PLIN3: variants seen among roughly 807,000 people sequenced by gnomAD.
PLIN3 encodes the protein perilipin 3.
A neutral mutation model predicts 35.9 loss-of-function variants in PLIN3; 30 were observed. The ratio of observed to expected loss-of-function variants is 0.84; its 90% CI spans 0.62 to 1.13. PLIN3 has a LOEUF of 1.13. PLIN3 is among the 50% of genes most tolerant of loss of function. PLIN3 has a pLI of 0.00. For synonymous variants in PLIN3, 261 were observed against 262.5 expected, an observed-to-expected ratio of 0.99 and a Z score of 0.06; for missense variants, 603 against 596.9, an observed-to-expected ratio of 1.01 and a Z score of -0.11.
chr19:4,840,468 G>A (rs947190526), intron 7 of PLIN3, among the ~76,000 whole-genome samples: 4 of 151,948 alleles, frequency 2.6e-5, no homozygotes, highest in African/African-American at 9.7e-5. Flanking sequence ...AGTTGCCCAG[G>A]TCTTAAACTC....
chr19:4,855,584 C>T (rs2030447236), intron 4 of PLIN3, among the ~76,000 whole-genome samples: 1 of 152,012 alleles, frequency 6.6e-6, no homozygotes, highest in African/African-American at 2.4e-5. Flanking sequence ...TTGCTTGAGC[C>T]CAGGAGTTTG....
intron 1 of PLIN3, among the ~76,000 whole-genome samples, chr19:4,865,873 G>T (rs960621228): frequency 2.0e-5 from 3 of 151,496 alleles, no homozygotes; most frequent in Admixed American, 2.0e-4. Flanking sequence ...ACAGGCGCCC[G>T]CCACCACGCC....
intron 1 of PLIN3, chr19:4,867,134 G>C (rs2030883639): frequency 6.6e-6 from 1 of 152,290 alleles, no homozygotes; most frequent in African/African-American, 2.4e-5. Context: ...GCCAGGAGCT[G>C]GGGCAACCCC....
At chr19:4,845,943 G>T (rs1210276771) in intron 6 of PLIN3, among the ~76,000 whole-genome samples, 2 of 134,306 alleles carry the variant, frequency 1.5e-5, no homozygotes, top group Non-Finnish European at 3.2e-5. Context: ...AAAAAAAAAA[G>T]GCCGGGCGCG....
At chr19:4,865,488 CAA>C (rs577302869) in intron 1 of PLIN3, among the ~76,000 whole-genome samples, 3 of 133,834 alleles carry the variant, frequency 2.2e-5, no homozygotes, top group Non-Finnish European at 1.6e-5. Flanking sequence ...GACTCCGTTT[CAA>C]AAAAAAAAAA....
At chr19:4,841,465 T>C (rs1271274734) in intron 7 of PLIN3, among the ~76,000 whole-genome samples, 1 of 152,012 alleles carries the variant, frequency 6.6e-6, no homozygotes, top group African/African-American at 2.4e-5. Context: ...AATGGGGCAG[T>C]GACTGCTGAT....
intron 2 of PLIN3, 140 bp from the exon 3 acceptor site, chr19:4,860,164 T>G (rs1292191144): frequency 4.3e-6 from 3 of 695,906 alleles, no homozygotes; most frequent in African/African-American, 3.5e-5. Context: ...ATCCAGGCAG[T>G]TGCACAAGCC....
chr19:4,865,519 T>C (rs1226987018), intron 1 of PLIN3, among the ~76,000 whole-genome samples: 1 of 151,284 alleles, frequency 6.6e-6, no homozygotes, highest in Non-Finnish European at 1.5e-5. Flanking sequence ...CTAAAGGTCA[T>C]GCCTGTCTTA....
intron 1 of PLIN3, among the ~76,000 whole-genome samples, chr19:4,864,464 T>TGTTG (rs771877429): frequency 1.3e-4 from 19 of 146,388 alleles, no homozygotes; most frequent in African/African-American, 2.5e-4. Context: ...TGTTTTTTTT[T>TGTTG]TTGTTGTTGT....
At chr19:4,851,243 G>A (rs933010805) in intron 5 of PLIN3, among the ~76,000 whole-genome samples, 1 of 152,118 alleles carries the variant, frequency 6.6e-6, no homozygotes, top group Non-Finnish European at 1.5e-5. Flanking sequence ...GAGGTGGGCA[G>A]ATCACAAGGT....
chr19:4,843,282 G>T (rs999156088), intron 7 of PLIN3, among the ~76,000 whole-genome samples: 1 of 151,920 alleles, frequency 6.6e-6, no homozygotes, highest in African/African-American at 2.4e-5. Flanking sequence ...CGAGGCGGGC[G>T]GATCACAAGG....
intron 7 of PLIN3, among the ~76,000 whole-genome samples, 195 bp downstream of exon 7, chr19:4,844,473 A>C (rs2030016122): frequency 6.6e-6 from 1 of 152,080 alleles, no homozygotes; most frequent in Non-Finnish European, 1.5e-5. Context: ...CTCAAAACAA[A>C]AAACAGAAGC....
intron 4 of PLIN3, among the ~76,000 whole-genome samples, chr19:4,855,709 G>GGAACATGGTGTTTTGATGTTTTGACTTT (rs2030452357): frequency 6.6e-6 from 1 of 151,964 alleles, no homozygotes; most frequent in African/African-American, 2.4e-5. Context: ...TGCCTGGCTA[G>GGAACATGGTGTTTTGATGTTTTGACTTT]CCTGGGAGTT....
intron 7 of PLIN3, among the ~76,000 whole-genome samples, chr19:4,843,510 A>AAAATAAATAAATAAATAAATAAATAAAT (rs111319930): frequency 9.3e-5 from 13 of 139,442 alleles, no homozygotes; most frequent in African/African-American, 3.5e-4. Context: ...TCCATCTCAA[A>AAAATAAATAAATAAATAAATAAATAAAT]AAATAAATAA....
Position 4,839,204 on chromosome 19 carries a change from C to T in PLIN3, c.1293G>A (p.Glu431=). ...FAPGITEKAP[E]EKK is the part of the protein sequence containing the mutation. ...CTCTCCTCTCCCCCTACTTCTTCTC[C>T]TCCGGGGCTTTCTCAGTGATTCCAG... Residue 431 remains glutamate (E), a synonymous_variant, in exon 8 of 8, where the codon GAG becomes GAA. Transcript: ENST00000221957. 1 of 1,605,116 alleles carries T rather than the reference C, an allele frequency of 6.2e-7. No individual in the cohort carries two copies. Among genetic ancestry groups the T allele is most frequent in the Non-Finnish European group, 8.5e-7 (1 of 1,173,374 alleles).
At chr19:4,858,760 G>A (rs2030565858) in intron 4 of PLIN3, among the ~76,000 whole-genome samples, 1 of 134,494 alleles carries the variant, frequency 7.4e-6, no homozygotes, top group African/African-American at 2.8e-5. Flanking sequence ...AGAGTGCAAT[G>A]GCATGATCTC....
At chr19:4,852,952 T>A (rs1326095220) in intron 4 of PLIN3, among the ~76,000 whole-genome samples, 1 of 151,892 alleles carries the variant, frequency 6.6e-6, no homozygotes, top group African/African-American at 2.4e-5. Context: ...GTAGCTGGGA[T>A]TACAGGCATG....
chr19:4,860,450 A>C (rs903495783), intron 2 of PLIN3, among the ~76,000 whole-genome samples: 1 of 151,684 alleles, frequency 6.6e-6, no homozygotes, highest in Non-Finnish European at 1.5e-5. Context: ...TGATTCGCCC[A>C]CCTCAGCCTC....
chr19:4,853,778 A>G (rs927475412), intron 4 of PLIN3, among the ~76,000 whole-genome samples: 1 of 151,508 alleles, frequency 6.6e-6, no homozygotes, highest in African/African-American at 2.4e-5. Context: ...GCACCACTGC[A>G]CTCCACCCTG....
Sources: gnomAD v4.1 joint callset for allele counts (sites outside exome capture counted in the v4.1 genomes callset) on GRCh38, gnomAD v4.1.1 for gene constraint, MANE v1.5 for transcripts, NCBI Gene and HGNC (gene_info 2026-07-23, HGNC 2026-07-21) for gene names.